IL6R: variants seen among roughly 807,000 people sequenced by gnomAD.
IL6R encodes the protein interleukin-6 receptor subunit alpha.
In IL6R, 38 loss-of-function variants were observed where a neutral mutation model predicts 48.3. The observed-to-expected ratio is 0.79, with a 90% CI of 0.61 to 1.03. The LOEUF (loss-of-function observed/expected upper bound fraction) is 1.03, where lower values mean the gene tolerates loss of function less well. IL6R is among the 50% of genes least tolerant of loss of function. The pLI, the probability that IL6R is intolerant of heterozygous loss-of-function variation, is 0.00. For missense variants in IL6R, 534 were observed against 618.3 expected (o/e 0.86, Z 1.45); for synonymous variants, 264 against 256.2 (o/e 1.03, Z -0.29).
chr1:154,419,309 A>C (rs758448080), intron 1 of IL6R, among the ~76,000 whole-genome samples: 29 of 152,218 alleles, frequency 1.9e-4, no homozygotes, highest in Non-Finnish European at 3.5e-4. Context: ...GCCAGGAGCC[A>C]GTCTCAGTCC....
Position 154,436,061 on chromosome 1 carries a change from A to AGGCGAGTGG in IL6R, c.901_909dup (p.Gly301_Trp303dup). The AGGCGAGTGG allele has an allele frequency of 6.2e-7, 1 of 1,613,240 alleles. No homozygotes were observed. The highest frequency in any genetic ancestry group is 8.5e-7 in the Non-Finnish European group (1 of 1,179,524). ...TTCGTGCCCAGGAGGAGTTCGGGCAAGGCGAGTGGAGCGAGTGGAGCCCGG... is the reference window on the plus strand; with the variant it reads ...TTCGTGCCCAGGAGGAGTTCGGGCAAGGCGAGTGGGGCGAGTGGAGCGAGTGGAGCCCGG... On this transcript the variant is annotated inframe_insertion, in exon 6 of 10. Coordinates refer to ENST00000368485, the MANE Select transcript of IL6R (RefSeq NM_000565.4).
intron 1 of IL6R, among the ~76,000 whole-genome samples, chr1:154,408,973 C>T (rs1687882535): frequency 6.6e-6 from 1 of 151,952 alleles, no homozygotes; most frequent in South Asian, 2.1e-4. Context: ...GGTGAGATGC[C>T]GTCTCTACAA....
intron 1 of IL6R, among the ~76,000 whole-genome samples, chr1:154,422,380 T>G (rs1051126764): frequency 1.3e-5 from 2 of 152,244 alleles, no homozygotes; most frequent in African/African-American, 4.8e-5. Flanking sequence ...TTGATCCCTC[T>G]TCTTAGTTCC....
intron 1 of IL6R, among the ~76,000 whole-genome samples, chr1:154,412,175 C>T (rs1243909508): frequency 1.3e-5 from 2 of 151,810 alleles, no homozygotes; most frequent in African/African-American, 4.8e-5. Flanking sequence ...TCTTGATCTC[C>T]TGACCTTGTG....
intron 9 of IL6R, among the ~76,000 whole-genome samples, chr1:154,455,398 A>G (rs1292205049): frequency 6.6e-6 from 1 of 151,820 alleles, no homozygotes; most frequent in Non-Finnish European, 1.5e-5. Context: ...TCTTGAGGCT[A>G]AGGAGTGTCT....
chr1:154,427,800 C>T (rs1689061677), intron 1 of IL6R, among the ~76,000 whole-genome samples: 1 of 152,140 alleles, frequency 6.6e-6, no homozygotes, highest in Non-Finnish European at 1.5e-5. Flanking sequence ...CTGACAGCCA[C>T]CTTGGATGGG....
intron 1 of IL6R, among the ~76,000 whole-genome samples, chr1:154,422,099 A>G (rs1230944380): frequency 6.6e-6 from 1 of 152,086 alleles, no homozygotes; most frequent in South Asian, 2.1e-4. Context: ...GGTGTGTGCC[A>G]CCACGCCCGG....
At chr1:154,423,820 C>T in intron 1 of IL6R, among the ~76,000 whole-genome samples, 1 of 152,136 alleles carries the variant, frequency 6.6e-6, no homozygotes, top group East Asian at 1.9e-4. Context: ...CATTATGTTG[C>T]TCCCTGCAGC....
In IL6R at chr1:154,454,598, G is replaced by C; in HGVS notation, c.1160+17G>C. The C allele has an allele frequency of 1.9e-6, 3 of 1,552,766 alleles. No homozygotes were observed. The highest frequency in any genetic ancestry group is 1.4e-5 in the African/African-American group (1 of 73,610). Reference sequence around the variant, plus strand: ...TGTTCTGAGGTGAGATGGGTCCCAGGGGATGGCCCTGTGGTGTTCTCATAT... The same window carrying C: ...TGTTCTGAGGTGAGATGGGTCCCAGCGGATGGCCCTGTGGTGTTCTCATAT... On this transcript the variant is annotated intron_variant, in intron 9 of 9. Coordinates refer to ENST00000368485, the MANE Select transcript of IL6R (RefSeq NM_000565.4).
At chr1:154,447,963 C>A (rs1264444241) in intron 6 of IL6R, among the ~76,000 whole-genome samples, 162 bp from the exon 7 acceptor site, 1 of 152,144 alleles carries the variant, frequency 6.6e-6, no homozygotes, top group African/African-American at 2.4e-5. Context: ...ATCTACCCAT[C>A]CTCCCAAAGT....
rs1212712576 is a variant in IL6R, at chr1:154,434,573, C to G, written c.513C>G (p.Ser171=). The change falls in exon 4 of 10, where the codon TCC becomes TCG. Residue 171 remains serine (S), a synonymous_variant. Transcript: ENST00000368485. ...AGCCGTGCCAGTATTCCCAGGAGTCCCAGAAGTTCTCCTGCCAGTTAGCAG... is the reference window on the plus strand; with the variant it reads ...AGCCGTGCCAGTATTCCCAGGAGTCGCAGAAGTTCTCCTGCCAGTTAGCAG... The part of the protein sequence containing the change: ...FQEPCQYSQE[S]QKFSCQLAVP... 6.2e-7 allele frequency: 1 copy of G among 1,614,008 alleles called. No individual in the cohort carries two copies. Among genetic ancestry groups the G allele is most frequent in the Non-Finnish European group, 8.5e-7 (1 of 1,179,988 alleles).
intron 6 of IL6R, among the ~76,000 whole-genome samples, chr1:154,441,895 C>T (rs1306361130): frequency 6.6e-6 from 1 of 152,242 alleles, no homozygotes; most frequent in South Asian, 2.1e-4. Flanking sequence ...GTCTTGTCAT[C>T]GGTAAAGTAG....
chr1:154,449,170 C>G (rs1356127028), intron 7 of IL6R, among the ~76,000 whole-genome samples: 4 of 104,694 alleles, frequency 3.8e-5, no homozygotes, highest in African/African-American at 1.2e-4. Context: ...GCTGGGATTA[C>G]ACGCGTGAGC....
chr1:154,417,783 C>T (rs953331371), intron 1 of IL6R, among the ~76,000 whole-genome samples: 2 of 145,734 alleles, frequency 1.4e-5, no homozygotes, highest in Non-Finnish European at 3.0e-5. Flanking sequence ...TCTTGTTGCC[C>T]AGGCTGGAGT....
intron 3 of IL6R, among the ~76,000 whole-genome samples, chr1:154,433,235 G>A (rs895116665): frequency 1.3e-5 from 2 of 152,332 alleles, no homozygotes; most frequent in Admixed American, 6.5e-5. Flanking sequence ...CCCAGGGTTC[G>A]AACCCAAGTC....
At chr1:154,418,888 C>G (rs896865763) in intron 1 of IL6R, among the ~76,000 whole-genome samples, 1 of 152,132 alleles carries the variant, frequency 6.6e-6, no homozygotes, top group Non-Finnish European at 1.5e-5. Flanking sequence ...CGCTGACCCC[C>G]CCTTGTGCAC....
At chr1:154,442,031 C>T (rs1046511441) in intron 6 of IL6R, among the ~76,000 whole-genome samples, 2 of 152,246 alleles carry the variant, frequency 1.3e-5, no homozygotes, top group South Asian at 4.1e-4. Context: ...AGTGCTGGTT[C>T]TTGGGAGGAG....
chr1:154,413,370 CTT>C (rs1688145089), intron 1 of IL6R, among the ~76,000 whole-genome samples: 1 of 152,228 alleles, frequency 6.6e-6, no homozygotes, highest in Admixed American at 6.5e-5. Context: ...TGGGGAATAA[CTT>C]TGCATATGCC....
chr1:154,425,160 G>C lies in IL6R; in HGVS notation c.86-4036G>C, dbSNP rs562688871. Among the ~76,000 whole-genome samples, 78 of 152,302 alleles carry C rather than the reference G, an allele frequency of 5.1e-4. No homozygotes were observed. In the Middle Eastern group the frequency reaches 0.01, roughly 20 times the overall value. On this transcript the variant is annotated intron_variant, in intron 1 of 9. Coordinates refer to ENST00000368485, the MANE Select transcript of IL6R (RefSeq NM_000565.4). ...GGGTGTGGCGCCGGGCTGTCTGCTTGTGGATTTCATTTCTGCCTTTTAGTT... is the reference window on the plus strand; with the variant it reads ...GGGTGTGGCGCCGGGCTGTCTGCTTCTGGATTTCATTTCTGCCTTTTAGTT...
Sources: allele counts gnomAD v4.1 joint callset (sites outside exome capture counted in the v4.1 genomes callset), GRCh38; gene constraint gnomAD v4.1.1; transcripts MANE v1.5; gene names NCBI Gene and HGNC (gene_info 2026-07-23, HGNC 2026-07-21).